Variants in CHMP7 observed in about 807,000 individuals in gnomAD.
The protein encoded by CHMP7 is charged multivesicular body protein 7, also known as CHMP family, member 7.
CHMP7 carries 15 observed loss-of-function variants against 53.7 expected under a neutral mutation model. That is an observed-to-expected ratio of 0.28 (90% confidence interval 0.19 to 0.43). The LOEUF (loss-of-function observed/expected upper bound fraction) is 0.43, where lower values mean the gene tolerates loss of function less well. Ranked by LOEUF, CHMP7 falls within the 20% of genes least tolerant of loss-of-function variation. CHMP7 has a pLI of 1.00. For missense variants in CHMP7, 527 were observed against 569.4 expected (o/e 0.93, Z 0.76); for synonymous variants, 261 against 228.0 (o/e 1.14, Z -1.30).
At chr8:23,259,020 C>A in intron 8 of CHMP7, 46 bp from the exon 9 acceptor site, 3 of 1,327,308 alleles carry the variant, frequency 2.3e-6, no homozygotes, top group South Asian at 1.2e-5. Flanking sequence ...CTGAGATGCT[C>A]AGAGCCACCA....
At chr8:23,248,761 G>A (rs1801806808) in intron 2 of CHMP7, among the ~76,000 whole-genome samples, 1 of 152,226 alleles carries the variant, frequency 6.6e-6, no homozygotes, top group Non-Finnish European at 1.5e-5. Context: ...GGAAGAGCAA[G>A]AAGTCCTTCT....
Position 23,258,326 on chromosome 8 carries a change from C to T in CHMP7, c.841-4C>T. The T allele has an allele frequency of 6.2e-7, 1 of 1,614,164 alleles. No homozygotes were observed. Among genetic ancestry groups the T allele is most frequent in the Non-Finnish European group, 8.5e-7 (1 of 1,180,032 alleles). On this transcript the variant is annotated splice_region_variant and splice_polypyrimidine_tract_variant and intron_variant, in intron 6 of 10. Coordinates refer to ENST00000397677, the MANE Select transcript of CHMP7 (RefSeq NM_152272.5). ...AGCACTGACCTAAGTCTCCATGCCT[C>T]CAGGCACTGAGGTCTCTCAAGGCCA...
rs777447812 is a variant in CHMP7 at position 23,260,178 on chromosome 8, C to T, written c.1155C>T (p.Asp385=). The change falls in exon 10 of 11, where the codon GAC becomes GAT. Residue 385 remains aspartate, a synonymous_variant. Transcript: ENST00000397677. The part of the protein sequence containing the change: ...FDSEELEKEL[D]ILLQDTTKEP... ...GTGAAGAACTGGAGAAGGAATTGGA[C>T]ATCCTCCTTCAGGATACCACCAAAG... The T allele has an allele frequency of 4.3e-6, 7 of 1,614,008 alleles. No homozygotes were observed. The highest frequency in any genetic ancestry group is 1.1e-5 in the South Asian group (1 of 91,088).
Position 23,256,447 on chromosome 8 carries a change from C to A in CHMP7, c.658-13C>A. The A allele has an allele frequency of 6.3e-7, 1 of 1,592,328 alleles. No homozygotes were observed. Among genetic ancestry groups the A allele is most frequent in the Non-Finnish European group, 8.6e-7 (1 of 1,160,328 alleles). On this transcript the variant is annotated splice_polypyrimidine_tract_variant and intron_variant, in intron 4 of 10. Coordinates refer to ENST00000397677, the MANE Select transcript of CHMP7 (RefSeq NM_152272.5). ...TGTGGTAGCAGCAGTAGTAATTTCTCCCTGTCCCTCAGATTGTGAAGTTTG... is the reference window on the plus strand; with the variant it reads ...TGTGGTAGCAGCAGTAGTAATTTCTACCTGTCCCTCAGATTGTGAAGTTTG...
chr8:23,250,123 C>G (rs976594324), intron 3 of CHMP7, among the ~76,000 whole-genome samples: 2 of 152,206 alleles, frequency 1.3e-5, no homozygotes, highest in Non-Finnish European at 2.9e-5. Context: ...CCCTCGGAGC[C>G]ACACCACAGC....
chr8:23,258,549 C>G, intron 7 of CHMP7, 100 bp downstream of exon 7: 7 of 1,512,346 alleles, frequency 4.6e-6, no homozygotes, highest in South Asian at 1.2e-5. Flanking sequence ...TGGGTTCTTT[C>G]GGGATGTGGC....
In CHMP7 at chr8:23,255,450, T is replaced by C; in HGVS notation, c.657+18T>C. ...GGGAGAAGGTATGGAGGCTCATCTG[T>C]TCATTCACTGACTCAGCAGTGATTG... On this transcript the variant is annotated intron_variant, in intron 4 of 10. Coordinates refer to ENST00000397677, the MANE Select transcript of CHMP7 (RefSeq NM_152272.5). The C allele has an allele frequency of 6.2e-7, 1 of 1,611,254 alleles. No individual in the cohort carries two copies. The highest frequency in any genetic ancestry group is 8.5e-7 in the Non-Finnish European group (1 of 1,177,370).
At position 23,249,296 on chromosome 8, in the gene CHMP7, A is replaced by C. The variant is rs767741483; in HGVS notation, c.386A>C (p.Lys129Thr). 6.2e-7 allele frequency: 1 copy of C among 1,613,446 alleles called. No homozygotes were observed. The highest frequency in any genetic ancestry group is 1.7e-5 in the Admixed American group (1 of 59,948). ...ISWGVGVFLL[K>T]PLKWTLSNML... Reference sequence around the variant, plus strand: ...TGGGGGGTTGGGGTCTTCCTGCTGAAGCCTCTCAAGTGGACTCTTTCTAAC... The same window carrying C: ...TGGGGGGTTGGGGTCTTCCTGCTGACGCCTCTCAAGTGGACTCTTTCTAAC... Residue 129 changes from lysine (K) to threonine (T), a missense_variant, in exon 3 of 11, where the codon AAG (lysine) becomes ACG (threonine). Coordinates refer to ENST00000397677, the MANE Select transcript of CHMP7 (RefSeq NM_152272.5).
Position 23,255,231 on chromosome 8 carries a change from G to A in CHMP7, c.472-16G>A, listed in dbSNP as rs1238682656. 2.5e-6 allele frequency: 4 copies of A among 1,613,734 alleles called. No homozygotes were observed. The highest frequency in any genetic ancestry group is 3.4e-6 in the Non-Finnish European group (4 of 1,179,946). ...CAGTGGCCAGGGCCTGTCAGCCAAT[G>A]TTGCCTTTCCCACAGGAAAAGGCTG... is the stretch of plus-strand genomic sequence containing the variant. On this transcript the variant is annotated splice_polypyrimidine_tract_variant and intron_variant, in intron 3 of 10. Coordinates refer to ENST00000397677, the MANE Select transcript of CHMP7 (RefSeq NM_152272.5).
At position 23,260,823 on chromosome 8, in the gene CHMP7, A is replaced by G; in HGVS notation, c.*224A>G. The stretch of plus-strand genomic sequence containing the variant: ...ATCATGGACCTGCCTTCTCATCTTT[A>G]TAGTGCCACGATTTATACAGTCCTG... On this transcript the variant is annotated 3_prime_UTR_variant, in exon 11 of 11. Coordinates refer to ENST00000397677, the MANE Select transcript of CHMP7 (RefSeq NM_152272.5). 3.4e-6 allele frequency: 2 copies of G among 596,552 alleles called. No individual in the cohort carries two copies. The highest frequency in any genetic ancestry group is 5.9e-6 in the Non-Finnish European group (2 of 336,366). 37.0% of individuals were successfully genotyped at this position (596,552 alleles called of 1,614,324 possible).
intron 5 of CHMP7, among the ~76,000 whole-genome samples, chr8:23,256,910 A>G (rs1344838236): frequency 1.4e-5 from 2 of 145,662 alleles, no homozygotes; most frequent in Non-Finnish European, 3.0e-5. Flanking sequence ...TTCCTGCGCC[A>G]GCCTCCCGAG....
Position 23,246,866 on chromosome 8 carries a change from G to C in CHMP7, c.171G>C (p.Ala57=). 1.3e-6 allele frequency: 2 copies of C among 1,594,046 alleles called. No individual in the cohort carries two copies. Among genetic ancestry groups the C allele is most frequent in the Non-Finnish European group, 1.7e-6 (2 of 1,171,088 alleles). The change falls in exon 2 of 11, where the codon GCG becomes GCC. Residue 57 remains alanine, a synonymous_variant. Coordinates refer to ENST00000397677, the MANE Select transcript of CHMP7 (RefSeq NM_152272.5). ...GGGACAGCAAGATGGGCTTCTGGGC[G>C]CCGTTGGTGCTGAGCCACAGCCGCC... The part of the protein sequence containing the change: ...TDWDSKMGFW[A]PLVLSHSRRQ...
intron 3 of CHMP7, among the ~76,000 whole-genome samples, chr8:23,254,464 G>T (rs141358378): frequency 2.6e-5 from 4 of 151,952 alleles, no homozygotes; most frequent in African/African-American, 9.7e-5. Flanking sequence ...GCGCGATCTC[G>T]GCTCACTGCA....
intron 3 of CHMP7, among the ~76,000 whole-genome samples, chr8:23,251,912 G>A (rs574437988): frequency 3.3e-5 from 5 of 152,170 alleles, no homozygotes; most frequent in Admixed American, 2.0e-4. Flanking sequence ...TTTCGGAAAT[G>A]CATATGTGCC....
At position 23,259,071 on chromosome 8, in the gene CHMP7, T is replaced by C. The variant is rs1301491301; in HGVS notation, c.1065T>C (p.Cys355=). The change falls in exon 9 of 11, where the codon TGT becomes TGC. Residue 355 remains cysteine, a synonymous_variant. Transcript: ENST00000397677. Reference sequence around the variant, plus strand: ...TTTGCACTTGTCTCTTACAGCTCTGTGACACCCAGGATGAAGTTTCTCAGA... The same window carrying C: ...TTTGCACTTGTCTCTTACAGCTCTGCGACACCCAGGATGAAGTTTCTCAGA... ...ESLVDQIQEL[C]DTQDEVSQTL... The C allele has an allele frequency of 6.2e-7, 1 of 1,607,074 alleles. No individual in the cohort carries two copies. The highest frequency in any genetic ancestry group is 1.7e-5 in the Admixed American group (1 of 59,980).
intron 9 of CHMP7, among the ~76,000 whole-genome samples, chr8:23,259,610 G>C (rs558708277): frequency 6.6e-6 from 1 of 152,000 alleles, no homozygotes; most frequent in Non-Finnish European, 1.5e-5. Context: ...CGCCGGCCTC[G>C]GCCTCCCAAA....
chr8:23,256,881 C>T (rs1028150123), intron 5 of CHMP7, among the ~76,000 whole-genome samples: 31 of 149,592 alleles, frequency 2.1e-4, no homozygotes, highest in Non-Finnish European at 3.0e-4. Context: ...CAAGCTCCGC[C>T]TCCTGGGTTC....
In CHMP7 at chr8:23,256,461, T is replaced by C. The variant is rs766384731; in HGVS notation, c.659T>C (p.Ile220Thr). Reference sequence around the variant, plus strand: ...TAGTAATTTCTCCCTGTCCCTCAGATTGTGAAGTTTGCCCGAGGGCCACGT... The same window carrying C: ...TAGTAATTTCTCCCTGTCCCTCAGACTGTGAAGTTTGCCCGAGGGCCACGT... ...VTVLEQNGEKIVKFARGPRAK... is the reference protein window; with the variant it reads ...VTVLEQNGEKTVKFARGPRAK... The change falls in exon 5 of 11, where the codon ATT becomes ACT. Residue 220 changes from isoleucine (I) to threonine (T), a missense_variant and splice_region_variant. By Grantham distance (89) the Ile-to-Thr change is moderately conservative (BLOSUM62 -1). Transcript: ENST00000397677. 8 of 1,601,000 alleles carry C rather than the reference T, an allele frequency of 5.0e-6. No homozygotes were observed. Among genetic ancestry groups the C allele is most frequent in the South Asian group, 1.1e-5 (1 of 90,798 alleles).
At chr8:23,256,406 G>T in intron 4 of CHMP7, 54 bp from the exon 5 acceptor site, 2 of 1,394,282 alleles carry the variant, frequency 1.4e-6, no homozygotes, top group Non-Finnish European at 2.0e-6. Context: ...CTCCTGGTTG[G>T]GAATTTCTCA....
Sources: allele counts gnomAD v4.1 joint callset (sites outside exome capture counted in the v4.1 genomes callset), GRCh38; gene constraint gnomAD v4.1.1; transcripts MANE v1.5; gene names NCBI Gene and HGNC (gene_info 2026-07-23, HGNC 2026-07-21).